INTS8: variants seen among roughly 807,000 people sequenced by gnomAD.
INTS8 encodes the protein protein kaonashi-1.
INTS8 carries 47 observed loss-of-function variants against 138.9 expected under a neutral mutation model. The observed-to-expected ratio is 0.34, with a 90% CI of 0.27 to 0.43. The LOEUF (loss-of-function observed/expected upper bound fraction) is 0.43, where lower values mean the gene tolerates loss of function less well. Among genes scored for constraint, INTS8 ranks in the 20% least tolerant of loss-of-function variants. The pLI is 1.00. For missense variants in INTS8, 996 were observed against 1,173.0 expected (o/e 0.85, Z 2.20); for synonymous variants, 392 against 400.9 (o/e 0.98, Z 0.27).
chr8:94,876,268 T>C lies in INTS8; in HGVS notation c.2810T>C (p.Ile937Thr). 1.2e-6 allele frequency: 2 copies of C among 1,611,376 alleles called. No homozygotes were observed. Among genetic ancestry groups the C allele is most frequent in the Non-Finnish European group, 1.7e-6 (2 of 1,178,004 alleles). The change falls in exon 25 of 27, where the codon ATT becomes ACT. Residue 937 changes from isoleucine to threonine, a missense_variant. Ile to Thr is a moderately conservative substitution (Grantham distance 89). Transcript: ENST00000523731. ...TACGACTACATATGGGATGTTACCA[T>C]TTTGGAATACTTGACTTGTATCCTT... ...SYYDYIWDVT[I>T]LEYLTYLHHK...
chr8:94,834,203 A>G (rs1455731886), intron 6 of INTS8, among the ~76,000 whole-genome samples: 1 of 152,190 alleles, frequency 6.6e-6, no homozygotes, highest in Admixed American at 6.5e-5. Flanking sequence ...TTGTTTTTAC[A>G]GTAAATCTAT....
Position 94,869,021 on chromosome 8 carries a change from T to A in INTS8, c.2414+1684T>A, listed in dbSNP as rs563452786. On this transcript the variant is annotated intron_variant, in intron 20 of 26. Transcript: ENST00000523731. Reference sequence around the variant, plus strand: ...TTTTGAGGCAGAGTTTTGCTTTTGTTGCCCAGGCTGGAGTGCAGTGGCGCA... The same window carrying A: ...TTTTGAGGCAGAGTTTTGCTTTTGTAGCCCAGGCTGGAGTGCAGTGGCGCA... Among the ~76,000 whole-genome samples the A allele has an allele frequency of 2.1e-5, 3 of 143,832 alleles. No individual in the cohort carries two copies. The East Asian group carries it at 6.2e-4, about 30-fold the overall frequency. The allele number at this position is 143,832 out of a possible 152,430, so 94.4% of individuals were successfully genotyped here.
intron 8 of INTS8, among the ~76,000 whole-genome samples, chr8:94,839,085 A>G (rs1815040417): frequency 6.6e-6 from 1 of 152,196 alleles, no homozygotes. Context: ...GCCCAGCTTT[A>G]GTAGCCCTTC....
At chr8:94,866,099 C>A in intron 17 of INTS8, 59 bp from the exon 18 acceptor site, 3 of 742,670 alleles carry the variant, frequency 4.0e-6, no homozygotes, top group South Asian at 3.4e-5. Context: ...AATTTACTTT[C>A]TTGATTTTAT....
At chr8:94,875,613 TG>T (rs1816540974) in intron 23 of INTS8, among the ~76,000 whole-genome samples, 1 of 152,210 alleles carries the variant, frequency 6.6e-6, no homozygotes, top group African/African-American at 2.4e-5. Flanking sequence ...GTAACTTTTA[TG>T]GTTTCTGAAT....
At position 94,849,956 on chromosome 8, in the gene INTS8, A is replaced by G; in HGVS notation, c.1372A>G (p.Met458Val). The G allele has an allele frequency of 6.2e-7, 1 of 1,613,048 alleles. No homozygotes were observed. The highest frequency in any genetic ancestry group is 8.5e-7 in the Non-Finnish European group (1 of 1,179,434). ...GTTGGAAGATCTGCAGTATGTTTTCATGATTTCTTCACATGAGCTTTTCAT... is the reference window on the plus strand; with the variant it reads ...GTTGGAAGATCTGCAGTATGTTTTCGTGATTTCTTCACATGAGCTTTTCAT... ...LGLEDLQYVF[M>V]ISSHELFITL... The change falls in exon 12 of 27, where the codon ATG (methionine) becomes GTG (valine). Residue 458 changes from methionine to valine, a missense_variant. Coordinates refer to ENST00000523731, the MANE Select transcript of INTS8 (RefSeq NM_017864.4).
chr8:94,875,831 T>A (rs1419768934), intron 23 of INTS8: 5 of 424,846 alleles, frequency 1.2e-5, no homozygotes, highest in Non-Finnish European at 2.1e-5. Flanking sequence ...TTTTCTGAAC[T>A]GGCTTTTTGC....
Position 94,842,336 on chromosome 8 carries a change from G to A in INTS8, c.1119-11G>A. The A allele has an allele frequency of 1.9e-6, 3 of 1,538,582 alleles. No homozygotes were observed. Among genetic ancestry groups the A allele is most frequent in the Non-Finnish European group, 2.7e-6 (3 of 1,130,024 alleles). The stretch of plus-strand genomic sequence containing the variant: ...AAATAACATTAGTTGATCTACTTTT[G>A]TATTCTACAGAAATGAAGCTCTAGA... On this transcript the variant is annotated splice_polypyrimidine_tract_variant and intron_variant, in intron 9 of 26. Coordinates refer to ENST00000523731, the MANE Select transcript of INTS8 (RefSeq NM_017864.4).
Position 94,842,338 on chromosome 8 carries a change from A to G in INTS8, c.1119-9A>G, listed in dbSNP as rs1815166683. On this transcript the variant is annotated splice_polypyrimidine_tract_variant and intron_variant, in intron 9 of 26. Coordinates refer to ENST00000523731, the MANE Select transcript of INTS8 (RefSeq NM_017864.4). ...ATAACATTAGTTGATCTACTTTTGT[A>G]TTCTACAGAAATGAAGCTCTAGATG... 6.5e-7 allele frequency: 1 copy of G among 1,549,316 alleles called. No individual in the cohort carries two copies. Among genetic ancestry groups the G allele is most frequent in the Non-Finnish European group, 8.8e-7 (1 of 1,136,938 alleles).
At chr8:94,871,804 T>C (rs1328080057) in intron 20 of INTS8, 80 bp from the exon 21 acceptor site, 1 of 799,648 alleles carries the variant, frequency 1.3e-6, no homozygotes, top group East Asian at 2.5e-5. Context: ...TGGCTGAGTT[T>C]TTGTTTTTAA....
rs767051737 is a variant in INTS8, at chr8:94,824,949, G to A, written c.187G>A (p.Val63Ile). 3 of 1,613,022 alleles carry A rather than the reference G, an allele frequency of 1.9e-6. No homozygotes were observed. The African/African-American group carries it at 4.0e-5, about 22-fold the overall frequency. ...QFLEQASKPS[V>I]NEQNQVQPPP... ...TTTGGAACAGGCTTCCAAACCTTCA[G>A]TTAATGAACAAAACCAAGTTCAACC... The change falls in exon 2 of 27, where the codon GTT (valine) becomes ATT (isoleucine). Residue 63 changes from valine to isoleucine, a missense_variant. Physicochemically the swap from Val to Ile is conservative, Grantham distance 29. Transcript: ENST00000523731.
chr8:94,865,729 C>G, intron 17 of INTS8, 39 bp downstream of exon 17: 3 of 1,548,328 alleles, frequency 1.9e-6, no homozygotes, highest in Non-Finnish European at 2.7e-6. Context: ...TGTTTGAGTT[C>G]TTAATATTTA....
At chr8:94,847,720 A>G (rs1035337982) in intron 10 of INTS8, among the ~76,000 whole-genome samples, 1 of 152,128 alleles carries the variant, frequency 6.6e-6, no homozygotes, top group Non-Finnish European at 1.5e-5. Flanking sequence ...ATTGAAGTGC[A>G]TGAAATTCAC....
At chr8:94,832,224 A>ATTGAGATTTTCCAATG in intron 6 of INTS8, 50 bp downstream of exon 6, 1 of 1,336,352 alleles carries the variant, frequency 7.5e-7, no homozygotes, top group Non-Finnish European at 1.1e-6. Flanking sequence ...GGAAAATCTT[A>ATTGAGATTTTCCAATG]ATATGAGATC....
At chr8:94,857,071 C>A (rs943314129) in intron 15 of INTS8, 93 bp downstream of exon 15, 213 of 546,548 alleles carry the variant, frequency 3.9e-4, no homozygotes, top group Non-Finnish European at 5.9e-4. Flanking sequence ...AGTTTGTAAT[C>A]TTTTTTTTTT....
chr8:94,846,782 G>A, intron 10 of INTS8, among the ~76,000 whole-genome samples: 1 of 152,098 alleles, frequency 6.6e-6, no homozygotes, highest in East Asian at 1.9e-4. Context: ...TTCACTGAAG[G>A]TCCTGTTTTT....
chr8:94,875,634 A>T (rs1002804844), intron 23 of INTS8, among the ~76,000 whole-genome samples: 2 of 152,208 alleles, frequency 1.3e-5, no homozygotes, highest in African/African-American at 4.8e-5. Flanking sequence ...TTAAATTAAT[A>T]AAAACTATTT....
At chr8:94,870,955 G>A (rs1208624467) in intron 20 of INTS8, among the ~76,000 whole-genome samples, 4 of 151,962 alleles carry the variant, frequency 2.6e-5, no homozygotes, top group African/African-American at 9.7e-5. Context: ...ATTTAGCCAG[G>A]CTCACAGTAC....
At chr8:94,879,279 CA>C (rs1162972168) in intron 26 of INTS8, among the ~76,000 whole-genome samples, 1 of 152,168 alleles carries the variant, frequency 6.6e-6, no homozygotes, top group Non-Finnish European at 1.5e-5. Context: ...CTTCAAGCTA[CA>C]TATCAGAAGT....
Sources: allele counts gnomAD v4.1 joint callset (sites outside exome capture counted in the v4.1 genomes callset), GRCh38; gene constraint gnomAD v4.1.1; transcripts MANE v1.5; gene names NCBI Gene and HGNC (gene_info 2026-07-23, HGNC 2026-07-21).